The following MTOR variants were observed in gnomAD, a reference collection of about 807,000 sequenced individuals.
MTOR encodes serine/threonine-protein kinase mTOR.
In MTOR, 70 loss-of-function variants were observed where a neutral mutation model predicts 319.8. The observed-to-expected ratio is 0.22, with a 90% CI of 0.18 to 0.27. The LOEUF is 0.27. Ranked by LOEUF, MTOR falls within the 10% of genes least tolerant of loss-of-function variation. The probability of loss-of-function intolerance (pLI) is 1.00; values close to 1 mark genes in which losing one functional copy is unlikely to be tolerated. For synonymous variants in MTOR, 1,183 were observed against 1,211.4 expected (o/e 0.98, Z 0.49); for missense variants, 1,890 against 3,274.4 (o/e 0.58, Z 10.32).
Position 11,108,222 on chromosome 1 carries a change from T to C in MTOR, c.7593A>G (p.Gln2531=), listed in dbSNP as rs149314441. 124 of 1,613,792 alleles carry C rather than the reference T, an allele frequency of 7.7e-5. 2 individuals carry two copies. In the African/African-American group the frequency reaches 1.6e-3, roughly 20 times the overall value. Residue 2531 remains glutamine, a synonymous_variant, in exon 57 of 58, where the codon CAA becomes CAG. Coordinates refer to ENST00000361445, the MANE Select transcript of MTOR (RefSeq NM_004958.4). ...VPTQVELLIK[Q]ATSHENLCQC... is the part of the protein sequence containing the mutation. Reference sequence around the variant, plus strand: ...GGCAGAGGTTTTCATGGGATGTCGCTTGTTTGATGAGCAGCTCAACTTGCG... The same window carrying C: ...GGCAGAGGTTTTCATGGGATGTCGCCTGTTTGATGAGCAGCTCAACTTGCG...
intron 34 of MTOR, among the ~76,000 whole-genome samples, chr1:11,140,384 C>T (rs1400112829): frequency 3.3e-5 from 5 of 152,136 alleles, no homozygotes; most frequent in Admixed American, 3.3e-4. Context: ...CAACCTGGAT[C>T]CCTTGCATGC....
chr1:11,195,769 T>C (rs1645762918), intron 28 of MTOR: 3 of 152,632 alleles, frequency 2.0e-5, no homozygotes, highest in Admixed American at 2.0e-4. Flanking sequence ...TACAGGTATA[T>C]CTATTTTTAT....
chr1:11,142,096 A>G (rs1373085725), intron 34 of MTOR, among the ~76,000 whole-genome samples: 1 of 152,204 alleles, frequency 6.6e-6, no homozygotes, highest in Non-Finnish European at 1.5e-5. Context: ...TAACAACTAT[A>G]GAGAGTCAGG....
intron 15 of MTOR, 66 bp downstream of exon 15, chr1:11,233,332 A>G: frequency 7.1e-7 from 1 of 1,417,780 alleles, no homozygotes; most frequent in African/African-American, 1.5e-5. Flanking sequence ...TAGTATTTTG[A>G]CTTCCTTAGA....
chr1:11,253,087 C>T (rs1486399782), intron 6 of MTOR, among the ~76,000 whole-genome samples: 1 of 152,172 alleles, frequency 6.6e-6, no homozygotes, highest in Non-Finnish European at 1.5e-5. Context: ...GAGGACCCCG[C>T]GGTGGCCCTG....
chr1:11,141,814 G>A (rs531973005), intron 34 of MTOR, among the ~76,000 whole-genome samples: 4 of 149,808 alleles, frequency 2.7e-5, no homozygotes, highest in East Asian at 2.0e-4. Flanking sequence ...GTGAAACCCC[G>A]TCTCTACTAA....
intron 28 of MTOR, chr1:11,194,970 T>G (rs1447780551): frequency 2.5e-6 from 4 of 1,614,080 alleles, no homozygotes; most frequent in Non-Finnish European, 3.4e-6. Flanking sequence ...TGGATCTACC[T>G]ACTCCCTCAA....
intron 16 of MTOR, 29 bp from the exon 17 acceptor site, chr1:11,231,463 G>T (rs770972864): frequency 6.2e-7 from 1 of 1,611,386 alleles, no homozygotes; most frequent in African/African-American, 1.3e-5. Context: ...ACGATTCAAT[G>T]AGCCAGTACG....
In MTOR at chr1:11,139,982, G is replaced by A. The variant is rs371055945; in HGVS notation, c.4873-324C>T. ...TGGGATTACAGGCGTGAGCCAGCACGCCCGGCCTTTTCTTGTATTTTTAAT... is the reference window on the plus strand; with the variant it reads ...TGGGATTACAGGCGTGAGCCAGCACACCCGGCCTTTTCTTGTATTTTTAAT... On this transcript the variant is annotated intron_variant, in intron 34 of 57. Coordinates refer to ENST00000361445, the MANE Select transcript of MTOR (RefSeq NM_004958.4). Among the ~76,000 whole-genome samples the A allele has an allele frequency of 7.2e-5, 11 of 151,944 alleles. No homozygotes were observed. In the South Asian group the frequency reaches 1.0e-3, roughly 14 times the overall value.
intron 20 of MTOR, among the ~76,000 whole-genome samples, chr1:11,215,370 A>T (rs2100803840): frequency 6.6e-6 from 1 of 152,238 alleles, no homozygotes; most frequent in South Asian, 2.1e-4. Flanking sequence ...GGAGGTTTTC[A>T]GTTCTGAGAT....
intron 18 of MTOR, among the ~76,000 whole-genome samples, chr1:11,229,817 C>T (rs1320518375): frequency 2.6e-5 from 4 of 151,932 alleles, no homozygotes; most frequent in African/African-American, 9.7e-5. Context: ...AGGCAACGGG[C>T]TATACAAAAA....
At chr1:11,194,603 G>A (rs1645705376) in intron 28 of MTOR, 2 of 1,614,176 alleles carry the variant, frequency 1.2e-6, no homozygotes. Context: ...ACAGCCTTCA[G>A]CACCAAGGAC....
In MTOR at chr1:11,106,942, A is replaced by C; in HGVS notation, c.*543T>G. 1 of 1,370,346 alleles carries C rather than the reference A, an allele frequency of 7.3e-7. No homozygotes were observed. The highest frequency in any genetic ancestry group is 3.4e-5 in the East Asian group (1 of 29,428). 84.9% of individuals were successfully genotyped at this position (1,370,346 alleles called of 1,614,324 possible). A position where few individuals can be genotyped will look rare whatever the true frequency, so the allele number is the denominator to read the frequency against. On this transcript the variant is annotated 3_prime_UTR_variant, in exon 58 of 58. Coordinates refer to ENST00000361445, the MANE Select transcript of MTOR (RefSeq NM_004958.4). The stretch of plus-strand genomic sequence containing the variant: ...GATGGAAGACAGACCTTTTGTACTC[A>C]TTTTGGCCTATCTTGCAAACATTTC...
At chr1:11,237,589 A>C (rs541512588) in intron 13 of MTOR, among the ~76,000 whole-genome samples, 2 of 152,176 alleles carry the variant, frequency 1.3e-5, no homozygotes, top group East Asian at 3.9e-4. Flanking sequence ...ACTTGCCAGG[A>C]AAAAGAAAGA....
intron 33 of MTOR, 39 bp downstream of exon 33, chr1:11,144,929 G>T (rs1643883451): frequency 1.2e-6 from 2 of 1,602,708 alleles, no homozygotes; most frequent in East Asian, 4.5e-5. Flanking sequence ...ATGGAAATAA[G>T]CCTCAAAAAT....
At chr1:11,219,804 G>A (rs943785560) in intron 19 of MTOR, among the ~76,000 whole-genome samples, 5 of 151,960 alleles carry the variant, frequency 3.3e-5, no homozygotes, top group African/African-American at 4.8e-5. Flanking sequence ...CGGGTGGATT[G>A]CTTGAGGACA....
intron 25 of MTOR, among the ~76,000 whole-genome samples, chr1:11,207,409 CTTT>C (rs386366225): frequency 4.4e-5 from 5 of 114,168 alleles, no homozygotes; most frequent in East Asian, 5.5e-4. Flanking sequence ...CCCCCTACCT[CTTT>C]TTTTTTTTTT....
chr1:11,228,342 T>C (rs1489302003), intron 19 of MTOR, among the ~76,000 whole-genome samples: 2 of 151,966 alleles, frequency 1.3e-5, no homozygotes, highest in African/African-American at 2.4e-5. Flanking sequence ...GCGTGCACCA[T>C]CACGCATGGC....
At position 11,109,637 on chromosome 1, in the gene MTOR, G is replaced by A; in HGVS notation, c.7447+12C>T. On this transcript the variant is annotated intron_variant, in intron 55 of 57. Coordinates refer to ENST00000361445, the MANE Select transcript of MTOR (RefSeq NM_004958.4). The surrounding 1 kb of genome is among the most constrained non-coding windows in gnomAD (Gnocchi z 4.0). ...CTAGTCACTGGTGCGGTTCCTCAGA[G>A]GCTGAACTTACTGAAAGAATGAATA... The A allele has an allele frequency of 1.2e-6, 2 of 1,613,216 alleles. No homozygotes were observed. Among genetic ancestry groups the A allele is most frequent in the Non-Finnish European group, 1.7e-6 (2 of 1,179,168 alleles).
Sources: allele counts gnomAD v4.1 joint callset (sites outside exome capture counted in the v4.1 genomes callset), GRCh38; gene constraint gnomAD v4.1.1; non-coding constraint Gnocchi (gnomAD v3.1); transcripts MANE v1.5; gene names NCBI Gene and HGNC (gene_info 2026-07-23, HGNC 2026-07-21).